SLC39A10: variants seen among roughly 807,000 people sequenced by gnomAD.
SLC39A10 encodes zinc transporter ZIP10.
SLC39A10 carries 13 observed loss-of-function variants against 65.1 expected under a neutral mutation model. The observed-to-expected ratio is 0.20, with a 90% CI of 0.13 to 0.32. The LOEUF is 0.32. Among genes scored for constraint, SLC39A10 ranks in the 10% least tolerant of loss-of-function variants. SLC39A10 has a pLI of 1.00. For synonymous variants in SLC39A10, 321 were observed against 342.2 expected, an observed-to-expected ratio of 0.94 and a Z score of 0.68; for missense variants, 831 against 1,018.4, an observed-to-expected ratio of 0.82 and a Z score of 2.50.
intron 3 of SLC39A10, among the ~76,000 whole-genome samples, chr2:195,688,796 A>G (rs1464255792): frequency 6.6e-6 from 1 of 152,188 alleles, no homozygotes; most frequent in Non-Finnish European, 1.5e-5. Context: ...CTTACTACTT[A>G]TGTATATTTT....
At chr2:195,723,047 G>C (rs997884868) in intron 8 of SLC39A10, among the ~76,000 whole-genome samples, 26 of 152,162 alleles carry the variant, frequency 1.7e-4, no homozygotes, top group African/African-American at 6.3e-4. Flanking sequence ...TGCAGTTTCT[G>C]CAGGTGTTTT....
chr2:195,710,514 C>G (rs1691567263), intron 5 of SLC39A10, among the ~76,000 whole-genome samples: 1 of 152,130 alleles, frequency 6.6e-6, no homozygotes, highest in Admixed American at 6.5e-5. Flanking sequence ...TGATTTGGAA[C>G]AGATCTCTGA....
intron 3 of SLC39A10, among the ~76,000 whole-genome samples, chr2:195,687,748 A>C (rs1298969311): frequency 2.0e-5 from 3 of 152,242 alleles, no homozygotes; most frequent in African/African-American, 7.2e-5. Context: ...CTACCTCATT[A>C]ACTTTGTTCA....
intron 2 of SLC39A10, among the ~76,000 whole-genome samples, chr2:195,648,577 C>T (rs1255049919): frequency 6.6e-6 from 1 of 152,036 alleles, no homozygotes; most frequent in Non-Finnish European, 1.5e-5. Context: ...ACTCAGGAGG[C>T]TGAGGTGGGA....
At chr2:195,638,199 T>C (rs1688731267) in intron 2 of SLC39A10, among the ~76,000 whole-genome samples, 1 of 152,154 alleles carries the variant, frequency 6.6e-6, no homozygotes. Context: ...TGCTATGTTG[T>C]CCAGGCTGAT....
chr2:195,720,970 C>T (rs1233613916), intron 8 of SLC39A10, among the ~76,000 whole-genome samples: 1 of 152,152 alleles, frequency 6.6e-6, no homozygotes, highest in Non-Finnish European at 1.5e-5. Context: ...GTAACAGGGT[C>T]TCCCTCTGTT....
intron 2 of SLC39A10, among the ~76,000 whole-genome samples, chr2:195,636,797 A>G (rs1688705810): frequency 6.6e-6 from 1 of 152,076 alleles, no homozygotes; most frequent in African/African-American, 2.4e-5. Context: ...GCACTTTGGG[A>G]GGCCAAGGTG....
chr2:195,721,923 A>G (rs1239895426), intron 8 of SLC39A10, among the ~76,000 whole-genome samples: 3 of 152,216 alleles, frequency 2.0e-5, no homozygotes, highest in Non-Finnish European at 4.4e-5. Flanking sequence ...AATTGAAAAC[A>G]AGTTGGAGAT....
At chr2:195,714,278 T>C (rs370935994) in intron 6 of SLC39A10, among the ~76,000 whole-genome samples, 2 of 152,064 alleles carry the variant, frequency 1.3e-5, no homozygotes, top group African/African-American at 4.8e-5. Context: ...TGTCTCCTCC[T>C]ATGAAAAAAG....
intron 3 of SLC39A10, among the ~76,000 whole-genome samples, chr2:195,689,929 C>T (rs543073840): frequency 9.2e-5 from 14 of 152,222 alleles, no homozygotes; most frequent in Middle Eastern, 3.4e-3. Context: ...ATAATCCCAG[C>T]ACTTTGGGAG....
At chr2:195,717,739 A>G (rs539971667) in intron 7 of SLC39A10, among the ~76,000 whole-genome samples, 4 of 152,326 alleles carry the variant, frequency 2.6e-5, no homozygotes, top group Non-Finnish European at 5.9e-5. Context: ...GTTAATACTA[A>G]AGAATAAATA....
Position 195,646,292 on chromosome 2 carries a change from GC to G in SLC39A10, c.-11-33737del, listed in dbSNP as rs535764604. Among the ~76,000 whole-genome samples the G allele has an allele frequency of 1.8e-3, 277 of 152,128 alleles. 5 individuals carry two copies. Among genetic ancestry groups the G allele is most frequent in the African/African-American group, 6.4e-3 (265 of 41,502 alleles). On this transcript the variant is annotated intron_variant, in intron 2 of 2. Transcript: ENST00000458054. ...TATTTACTTAAGCGTACCCTGATGT[GC>G]CCAGCAATTCTATCTTCTTGAAACT... is the stretch of plus-strand genomic sequence containing the variant.
chr2:195,663,552 A>G (rs1407028080), intron 1 of SLC39A10, among the ~76,000 whole-genome samples: 1 of 152,164 alleles, frequency 6.6e-6, no homozygotes. Flanking sequence ...TATTCTGTGT[A>G]TATATACATT....
In SLC39A10 at chr2:195,614,346, A is replaced by C. The variant is rs189486950; in HGVS notation, c.-12+8113A>C. ...GTATTGTAATTATAATCCTGGCTTTAAAAATATTGAGTGAATTTTCGGTGC... is the reference window on the plus strand; with the variant it reads ...GTATTGTAATTATAATCCTGGCTTTCAAAATATTGAGTGAATTTTCGGTGC... On this transcript the variant is annotated intron_variant, in intron 2 of 2. Transcript: ENST00000458054. 2.3e-3 allele frequency among the ~76,000 whole-genome samples: 354 copies of C among 152,300 alleles called. 2 individuals carry two copies. The highest frequency in any genetic ancestry group is 4.5e-3 in the Admixed American group (69 of 15,294).
In SLC39A10 at chr2:195,708,852, T is replaced by A; in HGVS notation, c.1575+8T>A. ...CACTACAAACAACAAAGAGTAAGTA[T>A]TTTTTATTTATTTAATTTTATACCA... On this transcript the variant is annotated splice_region_variant and intron_variant, in intron 5 of 9. Coordinates refer to ENST00000359634, the MANE Select transcript of SLC39A10 (RefSeq NM_020342.3). 1 of 1,568,806 alleles carries A rather than the reference T, an allele frequency of 6.4e-7. No homozygotes were observed. The highest frequency in any genetic ancestry group is 2.3e-5 in the East Asian group (1 of 43,496).
intron 2 of SLC39A10, among the ~76,000 whole-genome samples, chr2:195,617,810 G>C (rs1452266586): frequency 6.6e-6 from 1 of 151,042 alleles, no homozygotes; most frequent in Non-Finnish European, 1.5e-5. Flanking sequence ...CACAATCTCG[G>C]CGGACTGCAA....
Position 195,734,221 on chromosome 2 carries a change from A to T in SLC39A10, c.2338-662A>T, listed in dbSNP as rs184025635. On this transcript the variant is annotated intron_variant, in intron 9 of 9. Coordinates refer to ENST00000359634, the MANE Select transcript of SLC39A10 (RefSeq NM_020342.3). ...AGTTTTGCTCTGTTGCCCAGGCTGG[A>T]GTGCAGTGGTGTGATCTCAGCTCAC... 3.0e-4 allele frequency among the ~76,000 whole-genome samples: 44 copies of T among 146,406 alleles called. No individual in the cohort carries two copies. In the East Asian group the frequency reaches 7.7e-3, roughly 26 times the overall value.
chr2:195,666,719 C>T (rs1451407248), intron 1 of SLC39A10, among the ~76,000 whole-genome samples: 1 of 152,218 alleles, frequency 6.6e-6, no homozygotes, highest in Non-Finnish European at 1.5e-5. Flanking sequence ...GCTTTGGTCT[C>T]CCAAAGTGCT....
chr2:195,618,060 A>T (rs1049100887), intron 2 of SLC39A10, among the ~76,000 whole-genome samples: 1 of 17,622 alleles, frequency 5.7e-5, no homozygotes, highest in East Asian at 1.8e-3. Context: ...TTAAAAAGAA[A>T]AAGAAGGGCT....
Sources: allele counts gnomAD v4.1 joint callset (sites outside exome capture counted in the v4.1 genomes callset), GRCh38; gene constraint gnomAD v4.1.1; transcripts MANE v1.5; gene names NCBI Gene and HGNC (gene_info 2026-07-23, HGNC 2026-07-21).